The following PIP5K1C variants were observed in gnomAD, a reference collection of about 807,000 sequenced individuals.
The protein encoded by PIP5K1C is phosphatidylinositol-4-phosphate 5-kinase type 1 gamma, also known as phosphatidylinositol 4-phosphate 5-kinase type-1 gamma.
A neutral mutation model predicts 80.1 loss-of-function variants in PIP5K1C; 45 were observed. The observed-to-expected ratio is 0.56, with a 90% CI of 0.44 to 0.72. The LOEUF is 0.72. PIP5K1C is among the 30% of genes least tolerant of loss of function. The probability of loss-of-function intolerance (pLI) is 0.00; values close to 1 mark genes in which losing one functional copy is unlikely to be tolerated. For missense variants in PIP5K1C, 753 were observed against 954.6 expected (o/e 0.79, Z 2.78); for synonymous variants, 498 against 420.1 (o/e 1.19, Z -2.27).
intron 1 of PIP5K1C, among the ~76,000 whole-genome samples, chr19:3,687,789 C>T (rs149907525): frequency 7.0e-4 from 106 of 152,294 alleles, no homozygotes; most frequent in Non-Finnish European, 1.2e-3. Flanking sequence ...TTCTCCCTGC[C>T]GGGTGCTCCC....
At position 3,660,963 on chromosome 19, in the gene PIP5K1C, T is replaced by C. The variant is rs958089508; in HGVS notation, c.468+3A>G. The stretch of plus-strand genomic sequence containing the variant: ...GGAAGCCCGTAACAGCAAATATGCT[T>C]ACCAAGTAATCATCTGGCCGGATCC... On this transcript the variant is annotated splice_donor_region_variant and intron_variant, in intron 5 of 17. Coordinates refer to ENST00000335312, the MANE Select transcript of PIP5K1C (RefSeq NM_012398.3). 1.1e-5 allele frequency: 17 copies of C among 1,609,174 alleles called. No homozygotes were observed. Among genetic ancestry groups the C allele is most frequent in the Non-Finnish European group, 1.4e-5 (17 of 1,175,928 alleles).
chr19:3,647,677 T>G (rs529760771), intron 9 of PIP5K1C, among the ~76,000 whole-genome samples: 205 of 152,292 alleles, frequency 1.3e-3, no homozygotes, highest in African/African-American at 4.3e-3. Context: ...CTGAGCACGG[T>G]GGCTCACACC....
intron 15 of PIP5K1C, 77 bp downstream of exon 15, chr19:3,641,627 TG>T: frequency 9.7e-7 from 1 of 1,033,020 alleles, no homozygotes; most frequent in Non-Finnish European, 1.5e-6. Flanking sequence ...TGCTTCATGA[TG>T]AAACCTCGGG....
At chr19:3,683,776 C>G (rs1254377888) in intron 1 of PIP5K1C, among the ~76,000 whole-genome samples, 2 of 152,010 alleles carry the variant, frequency 1.3e-5, no homozygotes, top group African/African-American at 4.8e-5. Flanking sequence ...TACGGAGGCC[C>G]CGGGGCAGGA....
Position 3,642,883 on chromosome 19 carries a change from G to A in PIP5K1C, c.1682+24C>T. The stretch of plus-strand genomic sequence containing the variant: ...TGCAGGAGGAGCTGGTGAGACCCAG[G>A]GAAGGAAGGGGGTTGGGTCTCACCT... On this transcript the variant is annotated intron_variant, in intron 14 of 17. Coordinates refer to ENST00000335312, the MANE Select transcript of PIP5K1C (RefSeq NM_012398.3). 5 of 1,606,448 alleles carry A rather than the reference G, an allele frequency of 3.1e-6. No homozygotes were observed. The South Asian group carries it at 4.4e-5, about 14-fold the overall frequency.
chr19:3,654,472 A>G (rs1027689154), intron 6 of PIP5K1C, among the ~76,000 whole-genome samples: 13 of 152,226 alleles, frequency 8.5e-5, no homozygotes, highest in Non-Finnish European at 1.8e-4. Flanking sequence ...GAATCCGGCC[A>G]CCACCTATTT....
intron 1 of PIP5K1C, among the ~76,000 whole-genome samples, chr19:3,685,499 G>A (rs1020104257): frequency 2.0e-5 from 3 of 152,184 alleles, no homozygotes; most frequent in Non-Finnish European, 2.9e-5. Context: ...GGGAGGCCGA[G>A]GCGGGCGGAT....
intron 10 of PIP5K1C, among the ~76,000 whole-genome samples, chr19:3,646,952 G>A (rs950829466): frequency 3.3e-5 from 5 of 149,636 alleles, no homozygotes; most frequent in African/African-American, 7.4e-5. Context: ...AGAGGGAGGA[G>A]GGATGGGAGG....
chr19:3,666,902 T>G lies in PIP5K1C; in HGVS notation c.126+420A>C, dbSNP rs564814174. Among the ~76,000 whole-genome samples, 49 of 152,390 alleles carry G rather than the reference T, an allele frequency of 3.2e-4. No individual in the cohort carries two copies. In the South Asian group the frequency reaches 9.9e-3, roughly 31 times the overall value. On this transcript the variant is annotated intron_variant, in intron 2 of 17. Transcript: ENST00000335312. ...ACACTGAGGGCGTGGGTGCAGCTGG[T>G]AGCCTCGGGCATCGCCCTCTGGGCA...
chr19:3,651,837 T>A lies in PIP5K1C; in HGVS notation c.1116A>T (p.Glu372Asp), dbSNP rs896775316. 4 of 1,611,610 alleles carry A rather than the reference T, an allele frequency of 2.5e-6. No individual in the cohort carries two copies. In the African/African-American group the frequency reaches 5.3e-5, roughly 22 times the overall value. The change falls in exon 8 of 18, where the codon GAA becomes GAT. Residue 372 changes from glutamate to aspartate, a missense_variant. Transcript: ENST00000335312. ...CCCCGCCCACCTACGTGTCATCCGA[T>A]TCGATGGCCTCCCCGCGCGCGGCGC... ...QGGAARGEAIESDDTMGGIPA... is the reference protein window; with the variant it reads ...QGGAARGEAIDSDDTMGGIPA...
intron 15 of PIP5K1C, among the ~76,000 whole-genome samples, chr19:3,640,821 G>A (rs2033930008): frequency 6.6e-6 from 1 of 151,468 alleles, no homozygotes; most frequent in Non-Finnish European, 1.5e-5. Context: ...TAAGTAGCTG[G>A]GCCGACAGGT....
chr19:3,682,817 G>T (rs1190191166), intron 1 of PIP5K1C, among the ~76,000 whole-genome samples: 1 of 152,138 alleles, frequency 6.6e-6, no homozygotes, highest in Non-Finnish European at 1.5e-5. Context: ...GAGAGACCCC[G>T]AGCCAGGACC....
chr19:3,671,914 G>C (rs1430540757), intron 1 of PIP5K1C, among the ~76,000 whole-genome samples: 1 of 152,250 alleles, frequency 6.6e-6, no homozygotes, highest in Non-Finnish European at 1.5e-5. Context: ...CCGTTTTCGA[G>C]GAAATTAGGT....
chr19:3,655,570 G>A (rs1044699731), intron 6 of PIP5K1C, among the ~76,000 whole-genome samples: 38 of 152,352 alleles, frequency 2.5e-4, no homozygotes, highest in Non-Finnish European at 4.3e-4. Flanking sequence ...ACAGCAGCTC[G>A]CTGCCATCCA....
rs1024815771 is a variant in PIP5K1C at position 3,648,214 on chromosome 19, G to C, written c.1211+411C>G. 6.6e-6 allele frequency among the ~76,000 whole-genome samples: 1 copy of C among 151,700 alleles called. No individual in the cohort carries two copies. Among genetic ancestry groups the C allele is most frequent in the African/African-American group, 2.4e-5 (1 of 41,218 alleles). On this transcript the variant is annotated intron_variant, in intron 9 of 17. Coordinates refer to ENST00000335312, the MANE Select transcript of PIP5K1C (RefSeq NM_012398.3). This position sits in a 1 kb window ranked among gnomAD's most constrained non-coding sequence, Gnocchi z 4.3. ...ATTTTTTGATATTTTGTAGAGATGGGGTCTTGCTATGTTGCCCAGGCTGGT... is the reference window on the plus strand; with the variant it reads ...ATTTTTTGATATTTTGTAGAGATGGCGTCTTGCTATGTTGCCCAGGCTGGT...
chr19:3,654,691 G>C (rs2034561440), intron 6 of PIP5K1C, among the ~76,000 whole-genome samples: 1 of 151,952 alleles, frequency 6.6e-6, no homozygotes, highest in African/African-American at 2.4e-5. Flanking sequence ...GCGCATGCCT[G>C]TAATCCCAGC....
intron 11 of PIP5K1C, among the ~76,000 whole-genome samples, 200 bp from the exon 12 acceptor site, chr19:3,644,451 C>T (rs997941800): frequency 3.9e-5 from 6 of 152,196 alleles, no homozygotes; most frequent in African/African-American, 1.4e-4. Context: ...AGTTCCCTGT[C>T]CTGCCCACCC....
At chr19:3,646,493 G>A (rs1201590724) in intron 10 of PIP5K1C, among the ~76,000 whole-genome samples, 1 of 152,062 alleles carries the variant, frequency 6.6e-6, no homozygotes, top group African/African-American at 2.4e-5. Flanking sequence ...GACTGTGAAC[G>A]ACTCCACCCC....
intron 4 of PIP5K1C, among the ~76,000 whole-genome samples, chr19:3,661,509 G>C (rs1479742583): frequency 1.3e-5 from 2 of 152,204 alleles, no homozygotes; most frequent in African/African-American, 2.4e-5. Context: ...CAGCCACCTG[G>C]GACCACTGGT....
Sources: allele counts gnomAD v4.1 joint callset (sites outside exome capture counted in the v4.1 genomes callset), GRCh38; gene constraint gnomAD v4.1.1; non-coding constraint Gnocchi (gnomAD v3.1); transcripts MANE v1.5; gene names NCBI Gene and HGNC (gene_info 2026-07-23, HGNC 2026-07-21).